CNGA2: variants seen among roughly 807,000 people sequenced by gnomAD.
CNGA2 encodes cyclic nucleotide-gated channel alpha-2.
In CNGA2, 22 loss-of-function variants were observed where a neutral mutation model predicts 35.9. The observed-to-expected ratio is 0.61, with a 90% CI of 0.44 to 0.88. The LOEUF is 0.88. Among genes scored for constraint, CNGA2 ranks in the 40% least tolerant of loss-of-function variants. The pLI is 0.00. For missense variants in CNGA2, 555 were observed against 530.8 expected (o/e 1.05, Z -0.45); for synonymous variants, 217 against 209.2 (o/e 1.04, Z -0.32).
chrX:151,744,757 G>T lies in CNGA2; in HGVS notation c.*259G>T, dbSNP rs1038986697. On this transcript the variant is annotated 3_prime_UTR_variant, in exon 7 of 7. Transcript: ENST00000329903. ...GCCTAAGTCTGAGGAAGGGAGAAGG[G>T]GGCAGCTGTCTGCCAGGAGTCTGGC... The T allele has an allele frequency of 9.5e-6, 3 of 314,481 alleles. No individual in the cohort carries two copies. Among genetic ancestry groups the T allele is most frequent in the African/African-American group, 2.6e-5 (1 of 37,933 alleles). The allele number at this position is 314,481 out of a possible 1,213,427, so 25.9% of individuals were successfully genotyped here.
At chrX:151,739,122 G>A (rs940446439) in intron 3 of CNGA2, among the ~76,000 whole-genome samples, 3 of 112,627 alleles carry the variant, frequency 2.7e-5, no homozygotes, top group Admixed American at 1.9e-4. Flanking sequence ...ATCAGGGAGC[G>A]ATATCCTTCC....
intron 4 of CNGA2, among the ~76,000 whole-genome samples, chrX:151,740,024 A>G (rs923158079): frequency 1.8e-5 from 2 of 112,272 alleles, no homozygotes; most frequent in Non-Finnish European, 3.8e-5. Context: ...GTGGTCAGGA[A>G]ATACTGAGAG....
Position 151,744,192 on chromosome X carries a change from C to T in CNGA2, c.1689C>T (p.Tyr563=). Residue 563 remains tyrosine, a synonymous_variant, in exon 7 of 7, where the codon TAC becomes TAT. Coordinates refer to ENST00000329903, the MANE Select transcript of CNGA2 (RefSeq NM_005140.3). ...KDDLMEAVTE[Y]PDAKKVLEER... is the part of the protein sequence containing the mutation. ...ATCTTATGGAAGCTGTGACTGAGTA[C>T]CCTGATGCCAAGAAAGTCCTAGAAG... 8.3e-7 allele frequency: 1 copy of T among 1,210,540 alleles called. No individual in the cohort carries two copies. The highest frequency in any genetic ancestry group is 1.1e-6 in the Non-Finnish European group (1 of 895,262).
intron 4 of CNGA2, among the ~76,000 whole-genome samples, chrX:151,740,358 G>A (rs926543186): frequency 6.0e-4 from 67 of 112,361 alleles, no homozygotes; most frequent in African/African-American, 2.1e-3. Flanking sequence ...AAAAGGGAGG[G>A]TGAGGTGGGC....
At chrX:151,742,990 A>ATGTATATATATGTGTG (rs1556285196) in intron 6 of CNGA2, 103 bp from the exon 7 acceptor site, 6 of 22,902 alleles carry the variant, frequency 2.6e-4, no homozygotes, top group Non-Finnish European at 4.3e-4. Flanking sequence ...ATACATATAT[A>ATGTATATATATGTGTG]TGTGTATATA....
intron 5 of CNGA2, among the ~76,000 whole-genome samples, chrX:151,741,962 A>G (rs2015308527): frequency 9.0e-6 from 1 of 111,439 alleles, no homozygotes; most frequent in South Asian, 3.8e-4. Flanking sequence ...TGTGTCCCTG[A>G]CTCTGCTCTC....
At chrX:151,736,388 G>T (rs974115830) in intron 1 of CNGA2, among the ~76,000 whole-genome samples, 3 of 112,035 alleles carry the variant, frequency 2.7e-5, no homozygotes, top group Admixed American at 1.9e-4. Flanking sequence ...GCAATGGGTG[G>T]ACAGAACTTT....
In CNGA2 at chrX:151,744,589, T is replaced by G; in HGVS notation, c.*91T>G. On this transcript the variant is annotated 3_prime_UTR_variant, in exon 7 of 7. Transcript: ENST00000329903. ...TTTAGATCTCCGGATTTACATGCAT[T>G]ACCCTCATGTTCCCTGAATTCTCCC... 26 of 733,176 alleles carry G rather than the reference T, an allele frequency of 3.5e-5. No individual in the cohort carries two copies. Among genetic ancestry groups the G allele is most frequent in the Non-Finnish European group, 4.7e-5 (24 of 507,273 alleles). 60.4% of individuals were successfully genotyped at this position (733,176 alleles called of 1,213,427 possible).
Position 151,743,683 on chromosome X carries a change from C to T in CNGA2, c.1180C>T (p.His394Tyr), listed in dbSNP as rs200521778. The T allele has an allele frequency of 1.7e-4, 200 of 1,209,834 alleles. No homozygotes were observed. Among genetic ancestry groups the T allele is most frequent in the South Asian group, 2.6e-4 (15 of 56,736 alleles). ...EFQAKIDAVK[H>Y]YMQFRKVSKG... ...CCAGGCTAAGATCGATGCCGTGAAA[C>T]ACTACATGCAGTTCCGAAAGGTCAG... The change falls in exon 7 of 7, where the codon CAC becomes TAC. Residue 394 changes from histidine (H) to tyrosine (Y), a missense_variant. His to Tyr is a moderately conservative substitution (Grantham distance 83). Transcript: ENST00000329903.
chrX:151,742,747 G>A (rs1299941775), intron 6 of CNGA2, 105 bp downstream of exon 6: 140 of 538,729 alleles, frequency 2.6e-4, no homozygotes, highest in Non-Finnish European at 1.2e-4. Context: ...TGGGACTCTG[G>A]TAGGTGAGTA....
chrX:151,735,437 G>A (rs2015237682), intron 1 of CNGA2, among the ~76,000 whole-genome samples: 1 of 111,735 alleles, frequency 8.9e-6, no homozygotes, highest in Non-Finnish European at 1.9e-5. Flanking sequence ...TGGTGTCTCT[G>A]AAGATGAGAT....
intron 5 of CNGA2, among the ~76,000 whole-genome samples, 195 bp from the exon 6 acceptor site, chrX:151,742,341 A>G (rs779598627): frequency 9.0e-6 from 1 of 111,007 alleles, no homozygotes; most frequent in Non-Finnish European, 1.9e-5. Flanking sequence ...CTGTCTATGT[A>G]GTGATGTTAT....
chrX:151,741,861 G>A (rs752176253), intron 5 of CNGA2, among the ~76,000 whole-genome samples: 7 of 112,391 alleles, frequency 6.2e-5, no homozygotes, highest in Non-Finnish European at 1.1e-4. Context: ...GAAGGGGAGG[G>A]GGCTGGAGTT....
In CNGA2 at chrX:151,738,800, G is replaced by C. The variant is rs1409473842; in HGVS notation, c.124G>C (p.Ala42Pro). 1 of 1,173,712 alleles carries C rather than the reference G, an allele frequency of 8.5e-7. No individual in the cohort carries two copies. Among genetic ancestry groups the C allele is most frequent in the East Asian group, 3.1e-5 (1 of 31,958 alleles). Residue 42 changes from alanine to proline, a missense_variant, in exon 3 of 7, where the codon GCT (alanine) becomes CCT (proline). By Grantham distance (27) the Ala-to-Pro change is conservative. Coordinates refer to ENST00000329903, the MANE Select transcript of CNGA2 (RefSeq NM_005140.3). The part of the protein sequence containing the change: ...HRTSSRPHSA[A>P]DDDTSSELQR... ...TTTTTTCTGCAGGCCACACTCTGCAGCTGACGATGACACCTCCTCAGAACT... is the reference window on the plus strand; with the variant it reads ...TTTTTTCTGCAGGCCACACTCTGCACCTGACGATGACACCTCCTCAGAACT...
chrX:151,744,674 A>G lies in CNGA2; in HGVS notation c.*176A>G, dbSNP rs2015358016. ...CATCCAAGATTCCGCCTCCAAGTTT[A>G]GCCCAAGTTTGTGGAGAGTACAGAC... On this transcript the variant is annotated 3_prime_UTR_variant, in exon 7 of 7. Coordinates refer to ENST00000329903, the MANE Select transcript of CNGA2 (RefSeq NM_005140.3). The G allele has an allele frequency of 2.3e-6, 1 of 441,263 alleles. No individual in the cohort carries two copies. Among genetic ancestry groups the G allele is most frequent in the Non-Finnish European group, 3.8e-6 (1 of 265,389 alleles). 36.4% of individuals were successfully genotyped at this position (441,263 alleles called of 1,213,427 possible). A position where few individuals can be genotyped will look rare whatever the true frequency, so the allele number is the denominator to read the frequency against.
At chrX:151,739,930 T>C (rs2015287102) in intron 4 of CNGA2, among the ~76,000 whole-genome samples, 198 bp downstream of exon 4, 1 of 112,556 alleles carries the variant, frequency 8.9e-6, no homozygotes, top group Non-Finnish European at 1.9e-5. Flanking sequence ...CTACTTGCCA[T>C]GAGAACCTCT....
At position 151,743,897 on chromosome X, in the gene CNGA2, A is replaced by G. The variant is rs1019815014; in HGVS notation, c.1394A>G (p.Glu465Gly). 2 of 1,211,382 alleles carry G rather than the reference A, an allele frequency of 1.7e-6. No homozygotes were observed. The change falls in exon 7 of 7, where the codon GAG (glutamate) becomes GGG (glycine). Residue 465 changes from glutamate to glycine, a missense_variant. Coordinates refer to ENST00000329903, the MANE Select transcript of CNGA2 (RefSeq NM_005140.3). ...GATTGTGAGGCTGGCCTGCTGGTAG[A>G]GCTGGTACTGAAACTCCGTCCTCAG... Reference protein sequence around the residue: ...FHDCEAGLLVELVLKLRPQVF... With the variant: ...FHDCEAGLLVGLVLKLRPQVF...
In CNGA2 at chrX:151,739,565, A is replaced by C; in HGVS notation, c.207A>C (p.Ile69=). 8.3e-7 allele frequency: 1 copy of C among 1,210,881 alleles called. No individual in the cohort carries two copies. Among genetic ancestry groups the C allele is most frequent in the Non-Finnish European group, 1.1e-6 (1 of 895,040 alleles). The stretch of plus-strand genomic sequence containing the variant: ...ACTCTTTTTCTCTCACCTCTAGGAT[A>C]GTTCGCCTGGTGGGGATCATCAGAG... ...PQQGRSGFRR[I]VRLVGIIREW... is the part of the protein sequence containing the mutation. The change falls in exon 4 of 7, where the codon ATA becomes ATC. Residue 69 remains isoleucine, a synonymous_variant. Coordinates refer to ENST00000329903, the MANE Select transcript of CNGA2 (RefSeq NM_005140.3).
At chrX:151,741,682 C>T (rs769940532) in intron 5 of CNGA2, among the ~76,000 whole-genome samples, 1 of 112,212 alleles carries the variant, frequency 8.9e-6, no homozygotes, top group South Asian at 3.8e-4. Flanking sequence ...GGAGGTGATG[C>T]CTTAGCTCGT....
Sources: allele counts gnomAD v4.1 joint callset (sites outside exome capture counted in the v4.1 genomes callset), GRCh38; gene constraint gnomAD v4.1.1; transcripts MANE v1.5; gene names NCBI Gene and HGNC (gene_info 2026-07-23, HGNC 2026-07-21).